SMIM7: variants seen among roughly 807,000 people sequenced by gnomAD.
The protein encoded by SMIM7 is small integral membrane protein 7.
In SMIM7, 12 loss-of-function variants were observed where a neutral mutation model predicts 13.3. That is an observed-to-expected ratio of 0.90 (90% CI 0.58 to 1.46). SMIM7 has a LOEUF of 1.46. Ranked by LOEUF, SMIM7 falls within the 40% of genes most tolerant of loss-of-function variation. The pLI, the probability that SMIM7 is intolerant of heterozygous loss-of-function variation, is 0.00. For synonymous variants in SMIM7, 36 were observed against 35.8 expected, an observed-to-expected ratio of 1.01 and a Z score of -0.02; for missense variants, 114 against 94.8, an observed-to-expected ratio of 1.20 and a Z score of -0.84.
At chr19:16,659,895 C>T (rs1174607178) in intron 2 of SMIM7, 64 bp downstream of exon 2, 10 of 1,551,876 alleles carry the variant, frequency 6.4e-6, no homozygotes, top group East Asian at 2.4e-5. Flanking sequence ...GCCGAGATCA[C>T]GCTTATGAGG....
intron 4 of SMIM7, 184 bp downstream of exon 4, chr19:16,653,851 C>T (rs1198879844): frequency 1.9e-5 from 11 of 593,380 alleles, no homozygotes; most frequent in South Asian, 1.5e-4. Flanking sequence ...GCCCAGATCG[C>T]ACCACTGCAC....
At chr19:16,656,846 C>T (rs1237828811) in intron 3 of SMIM7, among the ~76,000 whole-genome samples, 1 of 151,842 alleles carries the variant, frequency 6.6e-6, no homozygotes, top group Non-Finnish European at 1.5e-5. Context: ...TTGCAGGGAG[C>T]TGAGATGGTG....
intron 3 of SMIM7, among the ~76,000 whole-genome samples, chr19:16,657,829 G>A (rs569122301): frequency 6.6e-6 from 1 of 151,900 alleles, no homozygotes; most frequent in Non-Finnish European, 1.5e-5. Context: ...CCAAGAGTTG[G>A]ACACCAGCCT....
At chr19:16,637,591 T>A (rs1412290806) in intron 4 of SMIM7, among the ~76,000 whole-genome samples, 1 of 152,208 alleles carries the variant, frequency 6.6e-6, no homozygotes, top group Non-Finnish European at 1.5e-5. Flanking sequence ...CCAAGGGATT[T>A]AGGAGGATGT....
intron 4 of SMIM7, among the ~76,000 whole-genome samples, chr19:16,632,985 T>C (rs2086332681): frequency 6.6e-6 from 1 of 151,836 alleles, no homozygotes; most frequent in South Asian, 2.1e-4. Context: ...TTTGTAAGAG[T>C]GAAAGATTGG....
chr19:16,646,530 TC>T lies in SMIM7; in HGVS notation c.*715del, dbSNP rs1475385076. 1 of 154,314 alleles carries T rather than the reference TC, an allele frequency of 6.5e-6. No homozygotes were observed. Among genetic ancestry groups the T allele is most frequent in the African/African-American group, 2.4e-5 (1 of 41,522 alleles). 9.6% of individuals were successfully genotyped at this position (154,314 alleles called of 1,614,324 possible). A position where few individuals can be genotyped will look rare whatever the true frequency, so the allele number is the denominator to read the frequency against. On this transcript the variant is annotated 3_prime_UTR_variant, in exon 5 of 5. Coordinates refer to ENST00000487416, the MANE Select transcript of SMIM7 (RefSeq NM_024104.4). ...TAGAACATGGTCCCAATGTACCACA[TC>T]ATAAAATCACTCTCATTCCTGCAAC...
intron 3 of SMIM7, among the ~76,000 whole-genome samples, chr19:16,658,484 G>A (rs1259901675): frequency 6.6e-6 from 1 of 152,204 alleles, no homozygotes; most frequent in Non-Finnish European, 1.5e-5. Context: ...GACATATGAA[G>A]GGGTTAGGGC....
chr19:16,645,120 G>A (rs1366654130), downstream of SMIM7: 2 of 152,124 alleles, frequency 1.3e-5, no homozygotes, highest in African/African-American at 2.4e-5. Context: ...GCTTCCTTAA[G>A]AGACACAACC....
rs751693301 is a variant in SMIM7 at position 16,660,133 on chromosome 19, A to G, written c.-23T>C. On this transcript the variant is annotated 5_prime_UTR_variant, in exon 1 of 5. Coordinates refer to ENST00000487416, the MANE Select transcript of SMIM7 (RefSeq NM_024104.4). ...CATCGTTACGGCCGAAGCGTCCGTC[A>G]GAACCGGAAGCGGAAGCCCCAGGGA... 8 of 1,613,924 alleles carry G rather than the reference A, an allele frequency of 5.0e-6. No homozygotes were observed. In the African/African-American group the frequency reaches 5.3e-5, roughly 11 times the overall value.
At chr19:16,632,685 C>CTA (rs1367764379) in intron 4 of SMIM7, among the ~76,000 whole-genome samples, 1 of 152,008 alleles carries the variant, frequency 6.6e-6, no homozygotes. Flanking sequence ...TTGCATGCCA[C>CTA]CATGCCCAGC....
chr19:16,653,057 C>G, intron 4 of SMIM7: 1 of 1,388,266 alleles, frequency 7.2e-7, no homozygotes, highest in Non-Finnish European at 9.7e-7. Context: ...TGGCAGTGTG[C>G]TGGACATTTA....
chr19:16,659,898 TTA>T (rs1408820983), intron 2 of SMIM7, 59 bp downstream of exon 2: 2 of 1,556,834 alleles, frequency 1.3e-6, no homozygotes, highest in Admixed American at 1.9e-5. Flanking sequence ...GAGATCACGC[TTA>T]TGAGGGCGGG....
At chr19:16,648,707 A>C (rs1309439962) in intron 4 of SMIM7, among the ~76,000 whole-genome samples, 2 of 152,184 alleles carry the variant, frequency 1.3e-5, no homozygotes, top group African/African-American at 4.8e-5. Context: ...GGGAAATGTG[A>C]ATCAAAACCT....
chr19:16,632,698 A>G (rs1160046721), intron 4 of SMIM7, among the ~76,000 whole-genome samples: 1 of 151,856 alleles, frequency 6.6e-6, no homozygotes, highest in African/African-American at 2.4e-5. Flanking sequence ...TGCCCAGCTA[A>G]TTTTTGTATT....
chr19:16,659,610 G>A, intron 2 of SMIM7, 163 bp from the exon 3 acceptor site: 1 of 730,986 alleles, frequency 1.4e-6, no homozygotes, highest in Non-Finnish European at 2.3e-6. Flanking sequence ...GGCCCCCACT[G>A]CCCGGACAAT....
At chr19:16,643,307 G>A (rs1266128126), downstream of SMIM7, among the ~76,000 whole-genome samples, 3 of 152,180 alleles carry the variant, frequency 2.0e-5, no homozygotes, top group African/African-American at 7.2e-5. Flanking sequence ...TAGGGTGATG[G>A]TCTCCGGAGA....
chr19:16,649,087 T>C (rs111442269), intron 4 of SMIM7, among the ~76,000 whole-genome samples: 1 of 151,828 alleles, frequency 6.6e-6, no homozygotes, highest in Non-Finnish European at 1.5e-5. Flanking sequence ...GGTAACAGAG[T>C]TGGCAAGGAT....
At chr19:16,631,890 C>CGA (rs113875977) in intron 4 of SMIM7, among the ~76,000 whole-genome samples, 56,207 of 134,836 alleles carry the variant, frequency 0.42, 14,342 homozygotes, top group African/African-American at 0.75. Context: ...TTTTTTTTTT[C>CGA]GAGAGAGTCT....
rs370384403 is a variant in SMIM7, at chr19:16,660,125, C to T, written c.-15G>A. On this transcript the variant is annotated 5_prime_UTR_variant, in exon 1 of 5. Coordinates refer to ENST00000487416, the MANE Select transcript of SMIM7 (RefSeq NM_024104.4). The stretch of plus-strand genomic sequence containing the variant: ...TCTCCGATCATCGTTACGGCCGAAG[C>T]GTCCGTCAGAACCGGAAGCGGAAGC... 7.4e-6 allele frequency: 12 copies of T among 1,613,952 alleles called. No homozygotes were observed. The African/African-American group carries it at 1.3e-4, about 18-fold the overall frequency.
Sources: allele counts gnomAD v4.1 joint callset (sites outside exome capture counted in the v4.1 genomes callset), GRCh38; gene constraint gnomAD v4.1.1; transcripts MANE v1.5; gene names NCBI Gene and HGNC (gene_info 2026-07-23, HGNC 2026-07-21).